RPS6KC1: variants seen among roughly 807,000 people sequenced by gnomAD.
RPS6KC1 encodes the protein ribosomal protein S6 kinase C1.
Under a neutral mutation model 103.8 loss-of-function variants are expected in RPS6KC1, and 54 were observed. That is an observed-to-expected ratio of 0.52 (90% CI 0.42 to 0.65). RPS6KC1 has a LOEUF of 0.65. Ranked by LOEUF, RPS6KC1 falls within the 30% of genes least tolerant of loss-of-function variation. The pLI, the probability that RPS6KC1 is intolerant of heterozygous loss-of-function variation, is 0.00. For missense variants in RPS6KC1, 1,151 were observed against 1,253.8 expected (o/e 0.92, Z 1.24); for synonymous variants, 439 against 438.7 (o/e 1.00, Z -0.01).
chr1:213,488,479 T>C, the RPS6KC1 span, among the ~76,000 whole-genome samples: 1 of 152,192 alleles, frequency 6.6e-6, no homozygotes, highest in Non-Finnish European at 1.5e-5. Flanking sequence ...TTTGGTAGTG[T>C]TGGTGGGCTG....
At chr1:213,376,203 G>A in the RPS6KC1 span, among the ~76,000 whole-genome samples, 6 of 151,872 alleles carry the variant, frequency 4.0e-5, no homozygotes, top group Admixed American at 3.3e-4. Flanking sequence ...ATCTAGTACT[G>A]TATATGTTTT....
chr1:213,727,779 C>T, the RPS6KC1 span, among the ~76,000 whole-genome samples: 1 of 152,054 alleles, frequency 6.6e-6, no homozygotes, highest in Non-Finnish European at 1.5e-5. Context: ...CAAAAACTAG[C>T]ATGAAGTTGG....
At chr1:213,363,794 CTTTCTTTCTTTCTTTCTTTCT>C in the RPS6KC1 span, among the ~76,000 whole-genome samples, 1 of 90,942 alleles carries the variant, frequency 1.1e-5, no homozygotes, top group Non-Finnish European at 2.1e-5. Flanking sequence ...TTCTTTCTTT[CTTTCTTTCTTTCTTTCTTTCT>C]TCTCTCTTTT....
At chr1:213,354,985 AGGT>A in the RPS6KC1 span, among the ~76,000 whole-genome samples, 1 of 152,210 alleles carries the variant, frequency 6.6e-6, no homozygotes, top group Non-Finnish European at 1.5e-5. Flanking sequence ...TGGGAGGCCG[AGGT>A]GGGCGGATCA....
intron 4 of RPS6KC1, among the ~76,000 whole-genome samples, chr1:213,111,141 C>T (rs1337737067): frequency 6.6e-6 from 1 of 151,990 alleles, no homozygotes; most frequent in Non-Finnish European, 1.5e-5. Context: ...TCTCGGTAAC[C>T]ACTCTTTCAT....
At chr1:213,321,311 G>A in the RPS6KC1 span, among the ~76,000 whole-genome samples, 17 of 152,192 alleles carry the variant, frequency 1.1e-4, no homozygotes, top group African/African-American at 3.4e-4. Context: ...AATTCCCACC[G>A]TATATTTTGA....
the RPS6KC1 span, among the ~76,000 whole-genome samples, chr1:213,844,649 A>G: frequency 6.6e-6 from 1 of 152,356 alleles, no homozygotes; most frequent in Non-Finnish European, 1.5e-5. Flanking sequence ...AAGAAATAAG[A>G]TAAAATAAAA....
the RPS6KC1 span, among the ~76,000 whole-genome samples, chr1:213,595,144 C>T: frequency 5.3e-5 from 8 of 152,162 alleles, no homozygotes; most frequent in Non-Finnish European, 1.0e-4. Flanking sequence ...ACACTAGTTC[C>T]AGACTCTTCC....
chr1:213,114,322 A>G (rs1282358327), intron 4 of RPS6KC1, among the ~76,000 whole-genome samples: 2 of 98,466 alleles, frequency 2.0e-5, no homozygotes, highest in African/African-American at 9.9e-5. Context: ...CTTTGAAGCA[A>G]TTGTGAATGG....
At chr1:213,377,722 C>G in the RPS6KC1 span, among the ~76,000 whole-genome samples, 9 of 152,116 alleles carry the variant, frequency 5.9e-5, no homozygotes, top group African/African-American at 2.2e-4. Context: ...TACGACAAGG[C>G]TAAGAGGTGC....
chr1:213,091,473 G>A (rs1318863203), intron 3 of RPS6KC1, among the ~76,000 whole-genome samples: 3 of 152,150 alleles, frequency 2.0e-5, no homozygotes, highest in South Asian at 2.1e-4. Context: ...TCAGAACCCT[G>A]TAAATGAACC....
At chr1:213,207,494 C>G (rs1035647871) in intron 8 of RPS6KC1, among the ~76,000 whole-genome samples, 1 of 151,768 alleles carries the variant, frequency 6.6e-6, no homozygotes, top group African/African-American at 2.4e-5. Flanking sequence ...CTTGCATTTC[C>G]TCCCCTCACC....
the RPS6KC1 span, among the ~76,000 whole-genome samples, chr1:213,676,371 T>C: frequency 1.3e-5 from 2 of 152,148 alleles, no homozygotes; most frequent in Admixed American, 1.3e-4. Context: ...TAGGAGAGTA[T>C]CTGTCATATA....
At chr1:213,784,064 T>G in the RPS6KC1 span, among the ~76,000 whole-genome samples, 1 of 152,188 alleles carries the variant, frequency 6.6e-6, no homozygotes, top group African/African-American at 2.4e-5. Flanking sequence ...CATGAAATGT[T>G]TGAAACGACC....
the RPS6KC1 span, among the ~76,000 whole-genome samples, chr1:213,535,051 CAG>C: frequency 6.6e-6 from 1 of 152,166 alleles, no homozygotes; most frequent in Non-Finnish European, 1.5e-5. Flanking sequence ...GGCTTGGCAT[CAG>C]GGGGATTTGT....
the RPS6KC1 span, among the ~76,000 whole-genome samples, chr1:213,802,381 T>A: frequency 6.6e-6 from 1 of 152,226 alleles, no homozygotes; most frequent in Non-Finnish European, 1.5e-5. Flanking sequence ...TGCTGCTTTG[T>A]GAAGCAAAGT....
chr1:213,557,400 G>A, the RPS6KC1 span, among the ~76,000 whole-genome samples: 1 of 152,182 alleles, frequency 6.6e-6, no homozygotes, highest in Non-Finnish European at 1.5e-5. Context: ...TTGGGAGCTT[G>A]GGTGTGTGGA....
chr1:213,251,944 A>G (rs1357688682), intron 12 of RPS6KC1, among the ~76,000 whole-genome samples: 1 of 152,248 alleles, frequency 6.6e-6, no homozygotes, highest in Non-Finnish European at 1.5e-5. Flanking sequence ...ACAATTGGTT[A>G]ACTAGGATGT....
the RPS6KC1 span, among the ~76,000 whole-genome samples, chr1:213,297,159 A>G: frequency 6.6e-6 from 1 of 152,190 alleles, no homozygotes; most frequent in African/African-American, 2.4e-5. Flanking sequence ...CACCTCCTTA[A>G]GCTTCCAGAA....
Sources: gnomAD v4.1 joint callset for allele counts (sites outside exome capture counted in the v4.1 genomes callset) on GRCh38, gnomAD v4.1.1 for gene constraint, MANE v1.5 for transcripts, NCBI Gene and HGNC (gene_info 2026-07-23, HGNC 2026-07-21) for gene names.